Variants in TJP1 observed in about 807,000 individuals in gnomAD.
TJP1 encodes the protein tight junction protein ZO-1.
A neutral mutation model predicts 194.2 loss-of-function variants in TJP1; 43 were observed. That is an observed-to-expected ratio of 0.22 (90% confidence interval 0.17 to 0.29). The LOEUF is 0.29. Among genes scored for constraint, TJP1 ranks in the 10% least tolerant of loss-of-function variants. The probability of loss-of-function intolerance (pLI) is 1.00; values close to 1 mark genes in which losing one functional copy is unlikely to be tolerated. For missense variants in TJP1, 1,971 were observed against 2,185.7 expected, an observed-to-expected ratio of 0.90 and a Z score of 1.96; for synonymous variants, 801 against 779.0, an observed-to-expected ratio of 1.03 and a Z score of -0.47.
At chr15:29,724,907 TATAGA>T (rs1414941702) in intron 18 of TJP1, among the ~76,000 whole-genome samples, 4 of 152,310 alleles carry the variant, frequency 2.6e-5, no homozygotes, top group Middle Eastern at 3.4e-3. Context: ...TAAAATACTT[TATAGA>T]AAATTAAGAT....
chr15:29,761,287 C>G lies in TJP1; in HGVS notation c.863-1G>C. The G allele has an allele frequency of 8.1e-6, 13 of 1,613,732 alleles. No homozygotes were observed. Among genetic ancestry groups the G allele is most frequent in the Non-Finnish European group, 1.1e-5 (13 of 1,179,904 alleles). ...GCCAGTGACTGAATTTCTGAAATGT[C>G]TGTTAATAAAAGGGTGCTACTTATT... is the stretch of plus-strand genomic sequence containing the variant. On this transcript the variant is annotated splice_acceptor_variant, in intron 7 of 27. Transcript: ENST00000614355. LOFTEE classifies it high-confidence loss of function.
chr15:29,759,093 A>G (rs1221198728), intron 8 of TJP1: 2 of 152,194 alleles, frequency 1.3e-5, no homozygotes, highest in Admixed American at 1.3e-4. Flanking sequence ...ACAAACTTTA[A>G]AAAAGCTCTC....
At position 29,778,332 on chromosome 15, in the gene TJP1, TA is replaced by T. The variant is rs879662901; in HGVS notation, c.85-4976del. 4.0e-3 allele frequency among the ~76,000 whole-genome samples: 577 copies of T among 143,166 alleles called. 1 individual carries two copies. The highest frequency in any genetic ancestry group is 7.4e-3 in the Middle Eastern group (2 of 272). The allele number at this position is 143,166 out of a possible 152,430, so 93.9% of individuals were successfully genotyped here. Reference sequence around the variant, plus strand: ...AATGGAGAAGAGGAGTTGGTGGACTTAAAAAAAAAAAAATAGCCCCCAGGTG... The same window carrying T: ...AATGGAGAAGAGGAGTTGGTGGACTTAAAAAAAAAAAATAGCCCCCAGGTG... On this transcript the variant is annotated intron_variant, in intron 2 of 27. Coordinates refer to ENST00000614355, the MANE Select transcript of TJP1 (RefSeq NM_001330239.4).
intron 2 of TJP1, among the ~76,000 whole-genome samples, chr15:29,907,450 T>C (rs374800664): frequency 2.0e-5 from 3 of 152,208 alleles, no homozygotes; most frequent in East Asian, 3.9e-4. Context: ...TACATACATG[T>C]ATTCATATGC....
At chr15:29,736,276 T>A (rs1413361004) in intron 11 of TJP1, among the ~76,000 whole-genome samples, 2 of 152,022 alleles carry the variant, frequency 1.3e-5, no homozygotes, top group Non-Finnish European at 2.9e-5. Context: ...CTCAACCACA[T>A]CCTTCAACAA....
chr15:29,822,373 G>C lies in TJP1; in HGVS notation c.-345C>G, dbSNP rs1436796618. 2 of 1,026,272 alleles carry C rather than the reference G, an allele frequency of 1.9e-6. No individual in the cohort carries two copies. Among genetic ancestry groups the C allele is most frequent in the Non-Finnish European group, 2.3e-6 (2 of 856,464 alleles). 63.6% of individuals were successfully genotyped at this position (1,026,272 alleles called of 1,614,324 possible). A position where few individuals can be genotyped will look rare whatever the true frequency, so the allele number is the denominator to read the frequency against. ...ACCCGTGGCCTCCCGGCGTCTCCTCGGAAGCCGGCTTCGCCACGTAACTTC... is the reference window on the plus strand; with the variant it reads ...ACCCGTGGCCTCCCGGCGTCTCCTCCGAAGCCGGCTTCGCCACGTAACTTC... On this transcript the variant is annotated 5_prime_UTR_variant, in exon 1 of 28. Coordinates refer to ENST00000614355, the MANE Select transcript of TJP1 (RefSeq NM_001330239.4).
In TJP1 at chr15:29,909,088, C is replaced by T. The variant is rs1195349807; in HGVS notation, c.306+47144G>A. On this transcript the variant is annotated intron_variant, in intron 2 of 28. Transcript: ENST00000356107. ...AGGAGAATGGCATGAACCCAGGAGG[C>T]GGAGCTTGCAGTGAGCCAAGATTGC... 3.4e-5 allele frequency among the ~76,000 whole-genome samples: 5 copies of T among 149,136 alleles called. No homozygotes were observed. In the East Asian group the frequency reaches 8.0e-4, roughly 24 times the overall value.
rs530899069 is a variant in TJP1 at position 29,945,784 on chromosome 15, C to A, written c.306+10448G>T. ...AGAACTTAAGGCTATTAAACACACA[C>A]ACACACACACACACACGCACACACA... On this transcript the variant is annotated intron_variant, in intron 2 of 28. Transcript: ENST00000356107. Among the ~76,000 whole-genome samples, 9 of 138,318 alleles carry A rather than the reference C, an allele frequency of 6.5e-5. No homozygotes were observed. The South Asian group carries it at 2.1e-3, about 32-fold the overall frequency. 90.7% of individuals were successfully genotyped at this position (138,318 alleles called of 152,430 possible). A position where few individuals can be genotyped will look rare whatever the true frequency, so the allele number is the denominator to read the frequency against.
At chr15:29,965,025 A>G (rs965592991) in intron 1 of TJP1, among the ~76,000 whole-genome samples, 2 of 152,206 alleles carry the variant, frequency 1.3e-5, no homozygotes, top group East Asian at 1.9e-4. Flanking sequence ...ACAAATGCCC[A>G]AGCGAGATGG....
intron 2 of TJP1, among the ~76,000 whole-genome samples, chr15:29,839,856 C>A (rs1364114011): frequency 6.6e-6 from 1 of 152,166 alleles, no homozygotes; most frequent in Non-Finnish European, 1.5e-5. Flanking sequence ...ATTTTATATT[C>A]CTACCACCAA....
chr15:29,871,361 T>C (rs190085265), intron 2 of TJP1, among the ~76,000 whole-genome samples: 1 of 152,336 alleles, frequency 6.6e-6, no homozygotes, highest in African/African-American at 2.4e-5. Context: ...TGGTAGCTAA[T>C]CAAAAATGAC....
chr15:29,812,666 T>C (rs961131133), intron 1 of TJP1, among the ~76,000 whole-genome samples: 3 of 152,220 alleles, frequency 2.0e-5, no homozygotes, highest in Non-Finnish European at 4.4e-5. Flanking sequence ...TTATAGAACA[T>C]GTAAGTAGAT....
intron 2 of TJP1, among the ~76,000 whole-genome samples, chr15:29,792,924 T>C (rs1035259156): frequency 1.3e-5 from 2 of 152,250 alleles, no homozygotes; most frequent in African/African-American, 4.8e-5. Context: ...TTGTTTGCTC[T>C]TGGCATACAG....
chr15:29,794,389 T>C (rs576879060), intron 2 of TJP1, among the ~76,000 whole-genome samples: 96 of 152,208 alleles, frequency 6.3e-4, no homozygotes, highest in Admixed American at 2.2e-3. Flanking sequence ...TGCCCTCTCA[T>C]GGCAAAAAAA....
chr15:29,884,471 A>T (rs1310825126), intron 2 of TJP1, among the ~76,000 whole-genome samples: 1 of 152,180 alleles, frequency 6.6e-6, no homozygotes, highest in Non-Finnish European at 1.5e-5. Flanking sequence ...TCCATTTTCA[A>T]CAAAGAAACT....
At chr15:29,943,066 A>G (rs2055138358) in intron 2 of TJP1, among the ~76,000 whole-genome samples, 1 of 152,210 alleles carries the variant, frequency 6.6e-6, no homozygotes, top group African/African-American at 2.4e-5. Flanking sequence ...AATAAATAAA[A>G]TAACTGCAAG....
intron 2 of TJP1, among the ~76,000 whole-genome samples, chr15:29,878,177 G>T (rs563659024): frequency 6.4e-4 from 97 of 152,120 alleles, no homozygotes; most frequent in Non-Finnish European, 9.3e-4. Context: ...AGCCTCCCAA[G>T]TAGCTGGGAC....
chr15:29,960,046 G>A (rs2056097238), intron 1 of TJP1, among the ~76,000 whole-genome samples: 1 of 152,116 alleles, frequency 6.6e-6, no homozygotes, highest in South Asian at 2.1e-4. Context: ...GCGCTGGTAG[G>A]TGTGATCATA....
intron 1 of TJP1, among the ~76,000 whole-genome samples, chr15:29,813,492 T>C (rs992191758): frequency 1.2e-4 from 18 of 152,190 alleles, no homozygotes; most frequent in Non-Finnish European, 1.5e-4. Context: ...TGAAAACTAA[T>C]GAGCTACAGT....
Sources: allele counts gnomAD v4.1 joint callset (sites outside exome capture counted in the v4.1 genomes callset), GRCh38; gene constraint gnomAD v4.1.1; transcripts MANE v1.5; gene names NCBI Gene and HGNC (gene_info 2026-07-23, HGNC 2026-07-21).